Variants in TAOK3 observed in about 807,000 individuals in gnomAD.
TAOK3 encodes serine/threonine-protein kinase TAO3.
In TAOK3, 40 loss-of-function variants were observed where a neutral mutation model predicts 120.4. The ratio of observed to expected loss-of-function variants is 0.33; its 90% CI spans 0.26 to 0.43. The LOEUF (loss-of-function observed/expected upper bound fraction) is 0.43, where lower values mean the gene tolerates loss of function less well. Among genes scored for constraint, TAOK3 ranks in the 20% least tolerant of loss-of-function variants. TAOK3 has a pLI of 1.00. For missense variants in TAOK3, 821 were observed against 1,112.1 expected, an observed-to-expected ratio of 0.74 and a Z score of 3.72; for synonymous variants, 355 against 387.5, an observed-to-expected ratio of 0.92 and a Z score of 0.99.
chr12:118,160,181 C>G lies in TAOK3; in HGVS notation c.2317G>C (p.Glu773Gln). The G allele has an allele frequency of 6.2e-7, 1 of 1,614,218 alleles. No homozygotes were observed. Among genetic ancestry groups the G allele is most frequent in the African/African-American group, 1.3e-5 (1 of 75,056 alleles). ...RKLAILAEQY[E>Q]QSINEMMASQ... ...GCCATCATTTCATTTATACTCTGTT[C>G]ATACTGCTCTGCCAAAATGGCAAGT... The change falls in exon 19 of 21, where the codon GAA (glutamate) becomes CAA (glutamine). Residue 773 changes from glutamate to glutamine, a missense_variant. Physicochemically the swap from Glu to Gln is conservative, Grantham distance 29. This residue lies in a region of TAOK3 where 354 missense variants were observed against 572.1 expected (regional missense o/e 0.62). Transcript: ENST00000392533. The surrounding 1 kb of genome is among the most constrained non-coding windows in gnomAD (Gnocchi z 4.2).
chr12:118,172,912 C>A (rs544680099), intron 16 of TAOK3, among the ~76,000 whole-genome samples: 1 of 152,198 alleles, frequency 6.6e-6, no homozygotes, highest in South Asian at 2.1e-4. Flanking sequence ...ATTCACTCAA[C>A]ACAAACTTAA....
intron 1 of TAOK3, among the ~76,000 whole-genome samples, chr12:118,340,669 T>A (rs1347222742): frequency 6.6e-6 from 1 of 152,058 alleles, no homozygotes; most frequent in Non-Finnish European, 1.5e-5. Context: ...CAGTTATCAA[T>A]TCATGGCCCA....
chr12:118,253,486 C>G (rs1409455322), intron 3 of TAOK3, among the ~76,000 whole-genome samples: 2 of 152,104 alleles, frequency 1.3e-5, no homozygotes, highest in Non-Finnish European at 2.9e-5. Flanking sequence ...CCTGTAATCC[C>G]AGCACTTTGG....
chr12:118,190,167 C>T (rs1423661146), intron 13 of TAOK3: 1 of 507,166 alleles, frequency 2.0e-6, no homozygotes, highest in Non-Finnish European at 3.5e-6. Context: ...GAATCCCTGG[C>T]AGGCTTTTTC....
chr12:118,371,032 G>C lies in TAOK3; in HGVS notation c.-194+1616C>G, dbSNP rs1374456308. Among the ~76,000 whole-genome samples, 1 of 152,132 alleles carries C rather than the reference G, an allele frequency of 6.6e-6. No homozygotes were observed. Among genetic ancestry groups the C allele is most frequent in the Admixed American group, 6.5e-5 (1 of 15,270 alleles). Reference sequence around the variant, plus strand: ...TTTGACCTTCCAACTATCTCCAACAGATCAAAGTTAAACAGTCCAGATTCC... The same window carrying C: ...TTTGACCTTCCAACTATCTCCAACACATCAAAGTTAAACAGTCCAGATTCC... On this transcript the variant is annotated intron_variant, in intron 1 of 20. Transcript: ENST00000392533. The surrounding 1 kb of genome is among the most constrained non-coding windows in gnomAD (Gnocchi z 5.5).
At chr12:118,252,520 T>C (rs2140120359) in intron 3 of TAOK3, among the ~76,000 whole-genome samples, 1 of 152,142 alleles carries the variant, frequency 6.6e-6, no homozygotes, top group Middle Eastern at 3.4e-3. Context: ...ACACAGAGAT[T>C]TACCTTTTAA....
In TAOK3 at chr12:118,280,789, G is replaced by T. The variant is rs144681051; in HGVS notation, c.-193-14030C>A. ...CTGAATCTGTAAATTGCTTTGGGCA[G>T]TATGGCCATTTTAACAATATTAAGT... On this transcript the variant is annotated intron_variant, in intron 1 of 20. Transcript: ENST00000392533. Among the ~76,000 whole-genome samples the T allele has an allele frequency of 4.6e-3, 708 of 152,316 alleles. 9 individuals carry two copies. Among genetic ancestry groups the T allele is most frequent in the Middle Eastern group, 0.01 (3 of 294 alleles).
At chr12:118,314,497 ATT>A (rs2043378215) in intron 1 of TAOK3, among the ~76,000 whole-genome samples, 1 of 152,168 alleles carries the variant, frequency 6.6e-6, no homozygotes, top group Non-Finnish European at 1.5e-5. Flanking sequence ...TTACTTGAGG[ATT>A]TTGGGAACTA....
chr12:118,211,512 C>G (rs1190506610), intron 11 of TAOK3, among the ~76,000 whole-genome samples: 1 of 151,246 alleles, frequency 6.6e-6, no homozygotes, highest in African/African-American at 2.4e-5. Flanking sequence ...TATGTTTTTT[C>G]TCTTCCATTT....
At position 118,281,734 on chromosome 12, in the gene TAOK3, A is replaced by G. The variant is rs1036414139; in HGVS notation, c.-193-14975T>C. ...ACCATTGTACTCCAGCCTGGGCAACAAGAGTGAGACTCTGCCTCAGAAAAA... is the reference window on the plus strand; with the variant it reads ...ACCATTGTACTCCAGCCTGGGCAACGAGAGTGAGACTCTGCCTCAGAAAAA... On this transcript the variant is annotated intron_variant, in intron 1 of 20. Coordinates refer to ENST00000392533, the MANE Select transcript of TAOK3 (RefSeq NM_016281.4). Among the ~76,000 whole-genome samples, 4 of 152,070 alleles carry G rather than the reference A, an allele frequency of 2.6e-5. No individual in the cohort carries two copies. The East Asian group carries it at 5.8e-4, about 22-fold the overall frequency.
chr12:118,212,740 T>A (rs535630404), intron 11 of TAOK3, among the ~76,000 whole-genome samples, 174 bp downstream of exon 11: 9 of 152,154 alleles, frequency 5.9e-5, no homozygotes, highest in Non-Finnish European at 1.0e-4. Flanking sequence ...ACATAGCACA[T>A]AACGTTGCAA....
intron 11 of TAOK3, among the ~76,000 whole-genome samples, chr12:118,207,564 G>C (rs961920502): frequency 6.6e-6 from 1 of 151,672 alleles, no homozygotes; most frequent in Non-Finnish European, 1.5e-5. Context: ...GAATTAAAAC[G>C]ATTGCATAGG....
At chr12:118,151,841 C>T (rs2034467544) in intron 20 of TAOK3, among the ~76,000 whole-genome samples, 1 of 152,066 alleles carries the variant, frequency 6.6e-6, no homozygotes, top group Non-Finnish European at 1.5e-5. Flanking sequence ...TGATTTCTCT[C>T]GGTTTAAAAA....
At chr12:118,216,928 C>CAA (rs11298822) in intron 9 of TAOK3, among the ~76,000 whole-genome samples, 16 of 89,876 alleles carry the variant, frequency 1.8e-4, no homozygotes, top group African/African-American at 4.3e-4. Context: ...GACTCCATCT[C>CAA]AAAAAAAAAA....
At chr12:118,189,034 G>A (rs531744594) in intron 14 of TAOK3, among the ~76,000 whole-genome samples, 5 of 152,326 alleles carry the variant, frequency 3.3e-5, no homozygotes, top group Admixed American at 2.6e-4. Flanking sequence ...GCTACTACAA[G>A]GGCATCCAGC....
intron 1 of TAOK3, among the ~76,000 whole-genome samples, chr12:118,364,114 C>A (rs1310988753): frequency 6.6e-6 from 1 of 151,874 alleles, no homozygotes; most frequent in Non-Finnish European, 1.5e-5. Flanking sequence ...CCAGCCTGGG[C>A]AACAAGAGCA....
At chr12:118,173,627 C>T (rs541180400) in intron 16 of TAOK3, among the ~76,000 whole-genome samples, 4 of 152,316 alleles carry the variant, frequency 2.6e-5, no homozygotes, top group East Asian at 3.9e-4. Flanking sequence ...ACATTCTTCA[C>T]TTGGGATTAT....
At chr12:118,262,107 C>T (rs1355641890) in intron 2 of TAOK3, among the ~76,000 whole-genome samples, 1 of 152,146 alleles carries the variant, frequency 6.6e-6, no homozygotes, top group African/African-American at 2.4e-5. Context: ...GTGATCCACA[C>T]ACCTCGGCCT....
chr12:118,304,185 C>T (rs1419664013), intron 1 of TAOK3, among the ~76,000 whole-genome samples: 1 of 152,168 alleles, frequency 6.6e-6, no homozygotes, highest in Admixed American at 6.5e-5. Context: ...AGTTCCAATG[C>T]AATAAAATAG....
Sources: allele counts gnomAD v4.1 joint callset (sites outside exome capture counted in the v4.1 genomes callset), GRCh38; gene constraint gnomAD v4.1.1; regional missense constraint gnomAD v4.1.1; non-coding constraint Gnocchi (gnomAD v3.1); transcripts MANE v1.5; gene names NCBI Gene and HGNC (gene_info 2026-07-23, HGNC 2026-07-21).